The following COG5 variants were observed in gnomAD, a reference collection of about 807,000 sequenced individuals.
COG5 encodes component of oligomeric golgi complex 5.
A neutral mutation model predicts 110.4 loss-of-function variants in COG5; 86 were observed. The ratio of observed to expected loss-of-function variants is 0.78; its 90% CI spans 0.65 to 0.93. The LOEUF (loss-of-function observed/expected upper bound fraction) is 0.93. COG5 is among the 40% of genes least tolerant of loss of function. COG5 has a pLI of 0.00. For missense variants in COG5, 1,077 were observed against 987.0 expected (o/e 1.09, Z -1.22); for synonymous variants, 360 against 334.6 (o/e 1.08, Z -0.83).
intron 14 of COG5, among the ~76,000 whole-genome samples, chr7:107,271,099 T>C (rs889792673): frequency 1.3e-5 from 2 of 151,926 alleles, no homozygotes; most frequent in Non-Finnish European, 2.9e-5. Context: ...AGTGTCTTGA[T>C]TGCCAGGTGT....
chr7:107,531,401 A>G (rs1454000660), intron 5 of COG5, among the ~76,000 whole-genome samples: 4 of 152,188 alleles, frequency 2.6e-5, no homozygotes, highest in African/African-American at 7.2e-5. Flanking sequence ...TCAATGTCAA[A>G]ATCCACTGAA....
chr7:107,252,207 G>C (rs1802569132), intron 16 of COG5, among the ~76,000 whole-genome samples: 1 of 152,062 alleles, frequency 6.6e-6, no homozygotes, highest in East Asian at 1.9e-4. Context: ...ACTCCAGCCT[G>C]GGCAGCACAG....
At chr7:107,424,266 C>CT (rs1343323124) in intron 6 of COG5, among the ~76,000 whole-genome samples, 1 of 151,992 alleles carries the variant, frequency 6.6e-6, no homozygotes, top group African/African-American at 2.4e-5. Context: ...GAGCGAGAGT[C>CT]TGTCTCCAAA....
intron 10 of COG5, 113 bp downstream of exon 10, chr7:107,361,920 A>T (rs896438937): frequency 7.1e-6 from 5 of 707,672 alleles, no homozygotes; most frequent in Non-Finnish European, 1.3e-5. Context: ...ACACTTCTCT[A>T]TTGCCATCTG....
intron 6 of COG5, among the ~76,000 whole-genome samples, chr7:107,503,124 T>C (rs369241108): frequency 1.3e-5 from 2 of 152,312 alleles, no homozygotes. Flanking sequence ...CTACGGTTTG[T>C]ATGGCTTTGG....
rs1796840907 is a variant in COG5 at position 107,474,365 on chromosome 7, T to C, written c.538+52872A>G. 2 of 1,612,800 alleles carry C rather than the reference T, an allele frequency of 1.2e-6. No individual in the cohort carries two copies. On this transcript the variant is annotated intron_variant, in intron 6 of 21. Transcript: ENST00000297135. This position sits in a 1 kb window ranked among gnomAD's most constrained non-coding sequence, Gnocchi z 5.7. Reference sequence around the variant, plus strand: ...GGATGTATTCCTCTAACTATAGTTATCCTTCTGCTTTCACTGGAGAGTAAC... The same window carrying C: ...GGATGTATTCCTCTAACTATAGTTACCCTTCTGCTTTCACTGGAGAGTAAC...
intron 14 of COG5, among the ~76,000 whole-genome samples, chr7:107,260,883 TCCAATAGTTAGCTAAGTGGATGA>T (rs1803280332): frequency 6.6e-6 from 1 of 152,070 alleles, no homozygotes; most frequent in South Asian, 2.1e-4. Context: ...TCAGTCCAAG[TCCAATAGTTAGCTAAGTGGATGA>T]CCTTGTGTTT....
chr7:107,449,087 ACAC>A (rs1015062444), intron 6 of COG5, among the ~76,000 whole-genome samples: 10 of 152,146 alleles, frequency 6.6e-5, no homozygotes, highest in Admixed American at 2.0e-4. Flanking sequence ...CGAAAATCAA[ACAC>A]CACATGTTCT....
At chr7:107,440,819 G>C (rs958050519) in intron 6 of COG5, among the ~76,000 whole-genome samples, 1 of 152,140 alleles carries the variant, frequency 6.6e-6, no homozygotes, top group Non-Finnish European at 1.5e-5. Context: ...GTGAAGTTTT[G>C]TGCCCCTTCC....
At chr7:107,557,141 A>G (rs1331699911) in intron 2 of COG5, among the ~76,000 whole-genome samples, 1 of 152,184 alleles carries the variant, frequency 6.6e-6, no homozygotes, top group Non-Finnish European at 1.5e-5. Context: ...TTAGAGTTAA[A>G]ATAACCTTAG....
At chr7:107,508,050 G>T (rs1368654700) in intron 6 of COG5, among the ~76,000 whole-genome samples, 2 of 152,350 alleles carry the variant, frequency 1.3e-5, no homozygotes, top group African/African-American at 4.8e-5. Context: ...TGGGTGCAAC[G>T]CACCATGCAC....
chr7:107,303,303 A>T (rs1807439457), intron 11 of COG5, among the ~76,000 whole-genome samples: 1 of 152,114 alleles, frequency 6.6e-6, no homozygotes, highest in South Asian at 2.1e-4. Context: ...TTTAAGCCAA[A>T]CTTTGTCTAT....
chr7:107,392,026 G>A (rs945932023), intron 7 of COG5, among the ~76,000 whole-genome samples: 1 of 152,142 alleles, frequency 6.6e-6, no homozygotes, highest in Non-Finnish European at 1.5e-5. Flanking sequence ...GGGAGGTGGA[G>A]GTTGCAGTGA....
At chr7:107,458,154 A>C (rs1795778133) in intron 6 of COG5, among the ~76,000 whole-genome samples, 1 of 152,236 alleles carries the variant, frequency 6.6e-6, no homozygotes, top group African/African-American at 2.4e-5. Flanking sequence ...GTGAAAGTCA[A>C]AAATGAAGAC....
At chr7:107,426,861 T>C (rs1295951603) in intron 6 of COG5, among the ~76,000 whole-genome samples, 3 of 152,194 alleles carry the variant, frequency 2.0e-5, no homozygotes, top group African/African-American at 4.8e-5. Flanking sequence ...TAAAATCTTA[T>C]AATAAATCCT....
At chr7:107,407,726 G>C (rs1791962779) in intron 7 of COG5, among the ~76,000 whole-genome samples, 1 of 150,388 alleles carries the variant, frequency 6.6e-6, no homozygotes, top group African/African-American at 2.4e-5. Flanking sequence ...GACAAAGTTG[G>C]GTAAAGAATG....
At chr7:107,549,538 C>T (rs1400554160) in intron 3 of COG5, among the ~76,000 whole-genome samples, 2 of 151,458 alleles carry the variant, frequency 1.3e-5, no homozygotes, top group African/African-American at 4.9e-5. Context: ...ATTACAGGCG[C>T]CCACCACCAC....
intron 7 of COG5, among the ~76,000 whole-genome samples, chr7:107,375,661 T>C (rs949033668): frequency 6.6e-6 from 1 of 152,062 alleles, no homozygotes; most frequent in Non-Finnish European, 1.5e-5. Flanking sequence ...AACTTATTCA[T>C]ATTTTGGCCC....
At chr7:107,288,900 T>C (rs1584626240) in intron 12 of COG5, among the ~76,000 whole-genome samples, 1 of 118,790 alleles carries the variant, frequency 8.4e-6, no homozygotes, top group South Asian at 3.0e-4. Context: ...CTATGTTTTC[T>C]AACAGAGATA....
Sources: gnomAD v4.1 joint callset for allele counts (sites outside exome capture counted in the v4.1 genomes callset) on GRCh38, gnomAD v4.1.1 for gene constraint, Gnocchi (gnomAD v3.1) non-coding constraint, MANE v1.5 for transcripts, NCBI Gene and HGNC (gene_info 2026-07-23, HGNC 2026-07-21) for gene names.